The following TMPRSS4 variants were observed in gnomAD, a reference collection of about 807,000 sequenced individuals.
The protein encoded by TMPRSS4 is transmembrane serine protease 4.
TMPRSS4 carries 45 observed loss-of-function variants against 56.4 expected under a neutral mutation model. The observed-to-expected ratio is 0.80, with a 90% CI of 0.63 to 1.02. The LOEUF (loss-of-function observed/expected upper bound fraction) is 1.02. Among genes scored for constraint, TMPRSS4 ranks in the 50% least tolerant of loss-of-function variants. The pLI is 0.00. For missense variants in TMPRSS4, 546 were observed against 556.7 expected (o/e 0.98, Z 0.19); for synonymous variants, 205 against 211.0 (o/e 0.97, Z 0.25).
At chr11:118,103,865 T>A (rs1046322832) in intron 4 of TMPRSS4, among the ~76,000 whole-genome samples, 1 of 152,232 alleles carries the variant, frequency 6.6e-6, no homozygotes, top group South Asian at 2.1e-4. Context: ...CTGGGTGACC[T>A]TGGGGCATTC....
At chr11:118,079,569 A>T (rs1430629660) in intron 1 of TMPRSS4, among the ~76,000 whole-genome samples, 2 of 152,098 alleles carry the variant, frequency 1.3e-5, no homozygotes, top group Non-Finnish European at 2.9e-5. Context: ...CCTGGCCTTG[A>T]CTCATTACTG....
intron 1 of TMPRSS4, among the ~76,000 whole-genome samples, chr11:118,091,771 T>C (rs1235029593): frequency 1.3e-5 from 2 of 152,230 alleles, no homozygotes; most frequent in East Asian, 3.8e-4. Flanking sequence ...GAAAGGACTT[T>C]GTAAACTGTT....
intron 1 of TMPRSS4, among the ~76,000 whole-genome samples, chr11:118,077,656 C>G (rs1199455584): frequency 6.6e-6 from 1 of 152,188 alleles, no homozygotes; most frequent in Non-Finnish European, 1.5e-5. Context: ...AGGCAGGGGG[C>G]TGTTCTGATG....
At chr11:118,095,853 C>G (rs962885926) in intron 2 of TMPRSS4, among the ~76,000 whole-genome samples, 1 of 152,206 alleles carries the variant, frequency 6.6e-6, no homozygotes, top group Non-Finnish European at 1.5e-5. Context: ...TTTTAGGAAG[C>G]TCTGTCTAGC....
At chr11:118,090,981 T>A (rs548877599) in intron 1 of TMPRSS4, among the ~76,000 whole-genome samples, 1 of 152,076 alleles carries the variant, frequency 6.6e-6, no homozygotes, top group African/African-American at 2.4e-5. Flanking sequence ...ATTTGTTAAA[T>A]TAACAATAAA....
At chr11:118,089,151 TA>T (rs1395416573) in intron 1 of TMPRSS4, among the ~76,000 whole-genome samples, 1 of 152,146 alleles carries the variant, frequency 6.6e-6, no homozygotes, top group Non-Finnish European at 1.5e-5. Context: ...CTCACAGGCC[TA>T]AAATGCACCT....
chr11:118,095,677 C>G lies in TMPRSS4; in HGVS notation c.43+822C>G, dbSNP rs144656574. 1.2e-4 allele frequency among the ~76,000 whole-genome samples: 19 copies of G among 152,246 alleles called. No homozygotes were observed. In the East Asian group the frequency reaches 3.5e-3, roughly 28 times the overall value. On this transcript the variant is annotated intron_variant, in intron 2 of 12. Coordinates refer to ENST00000437212, the MANE Select transcript of TMPRSS4 (RefSeq NM_019894.4). ...AAACAAGCTGAATTTGCTCGAGGAC[C>G]AGGGAGTGAACGTGACTATGCAGAA...
At chr11:118,102,904 G>T in intron 3 of TMPRSS4, 197 bp from the exon 4 acceptor site, 1 of 635,030 alleles carries the variant, frequency 1.6e-6, no homozygotes, top group Non-Finnish European at 2.7e-6. Context: ...GGGTGGGGCC[G>T]GTGTTACTAT....
intron 1 of TMPRSS4, among the ~76,000 whole-genome samples, chr11:118,083,511 A>T (rs910484425): frequency 6.6e-6 from 1 of 152,170 alleles, no homozygotes; most frequent in South Asian, 2.1e-4. Context: ...TATTACATAC[A>T]TGACAGGCCC....
chr11:118,115,114 A>AT (rs762998782), intron 10 of TMPRSS4, 24 bp from the exon 11 acceptor site: 159 of 1,604,500 alleles, frequency 9.9e-5, no homozygotes, highest in Non-Finnish European at 1.3e-4. Flanking sequence ...AAGGATGGGA[A>AT]TGTGAGTGTT....
rs111466594 is a variant in TMPRSS4, at chr11:118,118,377, T to C, written c.*464T>C. 2.4e-5 allele frequency: 24 copies of C among 1,007,878 alleles called. 1 individual carries two copies. In the African/African-American group the frequency reaches 2.9e-4, roughly 12 times the overall value. The allele number at this position is 1,007,878 out of a possible 1,614,324, so 62.4% of individuals were successfully genotyped here. ...ATAAAATGCACTGCCCTACTGTTGG[T>C]ATGACTACCGTTACCTACTGTTGTC... On this transcript the variant is annotated 3_prime_UTR_variant, in exon 13 of 13. Transcript: ENST00000437212.
At chr11:118,103,298 G>T in intron 4 of TMPRSS4, 45 bp downstream of exon 4, 1 of 1,595,908 alleles carries the variant, frequency 6.3e-7, no homozygotes, top group Non-Finnish European at 8.5e-7. Flanking sequence ...CCCAGCAGGA[G>T]GTCTGCTCAG....
At chr11:118,101,703 TC>T (rs1443640891) in intron 3 of TMPRSS4, among the ~76,000 whole-genome samples, 1 of 152,148 alleles carries the variant, frequency 6.6e-6, no homozygotes, top group Non-Finnish European at 1.5e-5. Flanking sequence ...GATCTTGAAT[TC>T]CTGGGCTCAA....
At chr11:118,085,635 G>T (rs1945490137) in intron 1 of TMPRSS4, among the ~76,000 whole-genome samples, 1 of 152,176 alleles carries the variant, frequency 6.6e-6, no homozygotes, top group Admixed American at 6.5e-5. Flanking sequence ...CCTCAGTTCA[G>T]GTAAATTGCA....
chr11:118,078,877 C>G (rs533417251), intron 1 of TMPRSS4, among the ~76,000 whole-genome samples: 2 of 152,260 alleles, frequency 1.3e-5, no homozygotes, highest in South Asian at 2.1e-4. Flanking sequence ...CGCACATGCA[C>G]CGGGTTCGCA....
At chr11:118,087,877 C>A (rs1355149870) in intron 1 of TMPRSS4, among the ~76,000 whole-genome samples, 2 of 152,134 alleles carry the variant, frequency 1.3e-5, no homozygotes, top group Admixed American at 6.5e-5. Context: ...TCAATAAAGC[C>A]CCTCCTGGGA....
At chr11:118,103,296 G>A (rs1946816244) in intron 4 of TMPRSS4, 43 bp downstream of exon 4, 3 of 1,598,188 alleles carry the variant, frequency 1.9e-6, no homozygotes, top group East Asian at 2.2e-5. Context: ...GGCCCAGCAG[G>A]AGGTCTGCTC....
intron 1 of TMPRSS4, among the ~76,000 whole-genome samples, chr11:118,080,702 G>A (rs1284331676): frequency 6.6e-6 from 1 of 152,194 alleles, no homozygotes; most frequent in Non-Finnish European, 1.5e-5. Context: ...CATGGGTAGA[G>A]GGAGAGATGA....
At position 118,118,034 on chromosome 11, in the gene TMPRSS4, A is replaced by G. The variant is rs1345970207; in HGVS notation, c.*121A>G. The stretch of plus-strand genomic sequence containing the variant: ...GGTACACCCCTCTGCCCACAGCCTC[A>G]GCATTTCTTGGAGCAGCAAAGGGCC... On this transcript the variant is annotated 3_prime_UTR_variant, in exon 13 of 13. Coordinates refer to ENST00000437212, the MANE Select transcript of TMPRSS4 (RefSeq NM_019894.4). The G allele has an allele frequency of 6.4e-7, 1 of 1,573,326 alleles. No individual in the cohort carries two copies. The highest frequency in any genetic ancestry group is 1.1e-5 in the South Asian group (1 of 87,504).
Sources: allele counts gnomAD v4.1 joint callset (sites outside exome capture counted in the v4.1 genomes callset), GRCh38; gene constraint gnomAD v4.1.1; transcripts MANE v1.5; gene names NCBI Gene and HGNC (gene_info 2026-07-23, HGNC 2026-07-21).